SNX7: variants seen among roughly 807,000 people sequenced by gnomAD.
SNX7 encodes sorting nexin-7.
In SNX7, 35 loss-of-function variants were observed where a neutral mutation model predicts 48.4. That is an observed-to-expected ratio of 0.72 (90% CI 0.55 to 0.96). SNX7 has a LOEUF of 0.96. Among genes scored for constraint, SNX7 ranks in the 40% least tolerant of loss-of-function variants. The probability of loss-of-function intolerance (pLI) is 0.00; values close to 1 mark genes in which losing one functional copy is unlikely to be tolerated. For missense variants in SNX7, 553 were observed against 548.9 expected (o/e 1.01, Z -0.07); for synonymous variants, 190 against 190.2 (o/e 1.00, Z 0.01).
At chr1:98,736,707 C>A (rs561255602) in intron 7 of SNX7, among the ~76,000 whole-genome samples, 42 of 152,214 alleles carry the variant, frequency 2.8e-4, no homozygotes, top group African/African-American at 9.4e-4. Context: ...TACCAAATAT[C>A]TATTATTTCA....
In SNX7 at chr1:98,744,157, C is replaced by G. The variant is rs563008353; in HGVS notation, c.1278+5768C>G. Among the ~76,000 whole-genome samples the G allele has an allele frequency of 2.0e-5, 3 of 151,932 alleles. No individual in the cohort carries two copies. The South Asian group carries it at 6.2e-4, about 32-fold the overall frequency. On this transcript the variant is annotated intron_variant, in intron 8 of 8. Transcript: ENST00000306121. ...ATTTCCAGAATCTGGGAGGTGAAAG[C>G]AAAGGAAGGAAAATTTGGCCATTCT...
At chr1:98,740,388 AC>A (rs1654011515) in intron 8 of SNX7, among the ~76,000 whole-genome samples, 1 of 152,182 alleles carries the variant, frequency 6.6e-6, no homozygotes, top group South Asian at 2.1e-4. Context: ...AAACAATAAA[AC>A]CAAAATTTTA....
chr1:98,662,749 G>A (rs1226419774), intron 1 of SNX7: 1 of 1,289,252 alleles, frequency 7.8e-7, no homozygotes, highest in African/African-American at 1.5e-5. Flanking sequence ...GAAGACCTGA[G>A]TTCAGATCAC....
rs1316089149 is a variant in SNX7, at chr1:98,760,059, T to G, written c.1284T>G (p.Leu428=). Residue 428 remains leucine, a synonymous_variant, in exon 9 of 9, where the codon CTT becomes CTG. Coordinates refer to ENST00000306121, the MANE Select transcript of SNX7 (RefSeq NM_015976.5). ...GGTGTGTTTCCATTATTCAGTGCCT[T>G]GCTACGTGGGAGTCATTCCTTACAT... ...EENIHYYEQC[L]ATWESFLTSQ... is the part of the protein sequence containing the mutation. 2.0e-5 allele frequency: 32 copies of G among 1,596,996 alleles called. No homozygotes were observed. Among genetic ancestry groups the G allele is most frequent in the Non-Finnish European group, 2.7e-5 (32 of 1,164,684 alleles).
At chr1:98,680,418 C>G (rs1448902399) in intron 1 of SNX7, among the ~76,000 whole-genome samples, 1 of 152,186 alleles carries the variant, frequency 6.6e-6, no homozygotes, top group Non-Finnish European at 1.5e-5. Context: ...TCCCCACTGT[C>G]TTGGGGATTA....
At chr1:98,734,755 C>G (rs981149837) in intron 7 of SNX7, among the ~76,000 whole-genome samples, 16 of 152,168 alleles carry the variant, frequency 1.1e-4, no homozygotes, top group African/African-American at 3.6e-4. Flanking sequence ...ATAACTGAAG[C>G]TAGAAATTAC....
chr1:98,751,604 A>G (rs1654585163), intron 8 of SNX7, among the ~76,000 whole-genome samples: 1 of 152,026 alleles, frequency 6.6e-6, no homozygotes, highest in Non-Finnish European at 1.5e-5. Context: ...ATTAACAAGG[A>G]TTTGTGATAA....
intron 5 of SNX7, among the ~76,000 whole-genome samples, chr1:98,697,034 C>A (rs1263159551): frequency 5.9e-5 from 9 of 152,058 alleles, no homozygotes; most frequent in Admixed American, 5.9e-4. Flanking sequence ...AATTTTAGGG[C>A]AGCTTTGCAT....
intron 7 of SNX7, among the ~76,000 whole-genome samples, chr1:98,716,094 C>CT: frequency 6.6e-6 from 1 of 152,188 alleles, no homozygotes; most frequent in African/African-American, 2.4e-5. Context: ...AGGCTCTCAT[C>CT]TTTTTTATAT....
chr1:98,742,210 A>G (rs1654104433), intron 8 of SNX7, among the ~76,000 whole-genome samples: 1 of 152,082 alleles, frequency 6.6e-6, no homozygotes, highest in Non-Finnish European at 1.5e-5. Flanking sequence ...GGATAGTAAG[A>G]AAGGGTAGGG....
chr1:98,727,197 G>A (rs1653224278), intron 7 of SNX7, among the ~76,000 whole-genome samples: 1 of 142,556 alleles, frequency 7.0e-6, no homozygotes, highest in Non-Finnish European at 1.6e-5. Context: ...GTGACACAGC[G>A]AGACTCTGTC....
chr1:98,682,050 A>G (rs1650520135), intron 1 of SNX7, among the ~76,000 whole-genome samples: 1 of 150,834 alleles, frequency 6.6e-6, no homozygotes, highest in Admixed American at 6.6e-5. Flanking sequence ...TTCCTATCAC[A>G]TTTATGTCAT....
intron 8 of SNX7, among the ~76,000 whole-genome samples, chr1:98,750,214 G>A (rs968318981): frequency 2.6e-5 from 4 of 151,488 alleles, no homozygotes; most frequent in Non-Finnish European, 4.4e-5. Flanking sequence ...ATAATAATTC[G>A]AATGAAAGTA....
At chr1:98,758,768 G>C (rs1254420795) in intron 8 of SNX7, among the ~76,000 whole-genome samples, 1 of 151,848 alleles carries the variant, frequency 6.6e-6, no homozygotes, top group Non-Finnish European at 1.5e-5. Context: ...GTGTTTTACT[G>C]TTCTCATGTA....
At chr1:98,737,638 C>G (rs1653853389) in intron 7 of SNX7, among the ~76,000 whole-genome samples, 1 of 152,146 alleles carries the variant, frequency 6.6e-6, no homozygotes, top group Admixed American at 6.6e-5. Context: ...AAATATTACA[C>G]TAAGCCTGTC....
chr1:98,745,786 C>T (rs1324271399), intron 8 of SNX7, among the ~76,000 whole-genome samples: 2 of 152,062 alleles, frequency 1.3e-5, no homozygotes, highest in Admixed American at 6.6e-5. Context: ...CAGGTTACAT[C>T]ATTGCTACTT....
chr1:98,738,687 G>C (rs530036868), intron 8 of SNX7, among the ~76,000 whole-genome samples: 1 of 152,298 alleles, frequency 6.6e-6, no homozygotes, highest in South Asian at 2.1e-4. Context: ...AAGGAGCAGA[G>C]ACTTGAATGA....
chr1:98,734,393 G>C (rs368221194), intron 7 of SNX7, among the ~76,000 whole-genome samples: 1 of 152,120 alleles, frequency 6.6e-6, no homozygotes, highest in East Asian at 1.9e-4. Flanking sequence ...AGACAAGCTT[G>C]TCCAATCAAT....
intron 4 of SNX7, 21 bp downstream of exon 4, chr1:98,691,720 C>G: frequency 6.4e-7 from 1 of 1,557,666 alleles, no homozygotes; most frequent in South Asian, 1.2e-5. Context: ...TTTATTTATA[C>G]TCATATAATC....
Sources: allele counts gnomAD v4.1 joint callset (sites outside exome capture counted in the v4.1 genomes callset), GRCh38; gene constraint gnomAD v4.1.1; transcripts MANE v1.5; gene names NCBI Gene and HGNC (gene_info 2026-07-23, HGNC 2026-07-21).